The following ITPK1 variants were observed in gnomAD, a reference collection of about 807,000 sequenced individuals.
ITPK1 encodes the protein inositol 1,3,4-trisphosphate 5/6-kinase.
ITPK1 carries 21 observed loss-of-function variants against 45.3 expected under a neutral mutation model. The observed-to-expected ratio is 0.46, with a 90% CI of 0.33 to 0.67. ITPK1 has a LOEUF of 0.67. ITPK1 is among the 30% of genes least tolerant of loss of function. The pLI is 0.02. For missense variants in ITPK1, 474 were observed against 573.5 expected, an observed-to-expected ratio of 0.83 and a Z score of 1.77; for synonymous variants, 258 against 253.6, an observed-to-expected ratio of 1.02 and a Z score of -0.16.
intron 7 of ITPK1, among the ~76,000 whole-genome samples, chr14:92,961,020 C>T (rs1885044018): frequency 6.6e-6 from 1 of 152,274 alleles, no homozygotes; most frequent in South Asian, 2.1e-4. Flanking sequence ...GCTGATACTT[C>T]CCCGGAAGTG....
chr14:93,025,943 C>T (rs116115434), intron 3 of ITPK1, among the ~76,000 whole-genome samples: 2,685 of 152,232 alleles, frequency 0.018, 71 homozygotes, highest in African/African-American at 0.062. Context: ...GGCTGGATGA[C>T]AGAGTGAGAC....
rs1024339894 is a variant in ITPK1 at position 93,063,424 on chromosome 14, G to A, written c.120+13171C>T. On this transcript the variant is annotated intron_variant, in intron 3 of 10. Transcript: ENST00000267615. The surrounding 1 kb of genome is among the most constrained non-coding windows in gnomAD (Gnocchi z 4.3). ...ATCTCAGGAGCCAGAAAACCAGTGA[G>A]CTTCCCACTCCCCACAGCCCCACAC... Among the ~76,000 whole-genome samples the A allele has an allele frequency of 1.3e-5, 2 of 152,142 alleles. No homozygotes were observed. The highest frequency in any genetic ancestry group is 6.5e-5 in the Admixed American group (1 of 15,274).
chr14:92,983,934 C>A (rs1277602544), intron 5 of ITPK1, among the ~76,000 whole-genome samples: 1 of 152,154 alleles, frequency 6.6e-6, no homozygotes, highest in African/African-American at 2.4e-5. Flanking sequence ...CAGACCTGAT[C>A]CCCCTCATCT....
intron 7 of ITPK1, among the ~76,000 whole-genome samples, chr14:92,960,549 C>T (rs1885015173): frequency 6.6e-6 from 1 of 152,238 alleles, no homozygotes; most frequent in Non-Finnish European, 1.5e-5. Context: ...GAATCAGTCC[C>T]AGGTCTCTGG....
Position 92,937,757 on chromosome 14 carries a change from G to C in ITPK1, c.*3804C>G, listed in dbSNP as rs1887188385. On this transcript the variant is annotated 3_prime_UTR_variant, in exon 11 of 11. Transcript: ENST00000267615. ...TGACTGTGGCATCGGGGTGTGGCCA[G>C]GCTGGCCTGAGGCAGCAGAGGCTGG... 6.6e-6 allele frequency: 1 copy of C among 152,652 alleles called. No homozygotes were observed. Among genetic ancestry groups the C allele is most frequent in the Non-Finnish European group, 1.5e-5 (1 of 68,360 alleles). 9.5% of individuals were successfully genotyped at this position (152,652 alleles called of 1,614,324 possible).
At chr14:92,967,284 G>C (rs568101735) in intron 5 of ITPK1, among the ~76,000 whole-genome samples, 16 of 152,296 alleles carry the variant, frequency 1.1e-4, no homozygotes, top group African/African-American at 3.4e-4. Context: ...TGAATAGAAA[G>C]TTCTCAAAAC....
intron 3 of ITPK1, among the ~76,000 whole-genome samples, chr14:93,055,328 G>A (rs1890177651): frequency 6.6e-6 from 1 of 152,116 alleles, no homozygotes; most frequent in Admixed American, 6.6e-5. Context: ...TACATGCCAT[G>A]GAGGATTTGC....
In ITPK1 at chr14:93,057,559, C is replaced by T. The variant is rs76085912; in HGVS notation, c.120+19036G>A. Among the ~76,000 whole-genome samples, 1,082 of 152,320 alleles carry T rather than the reference C, an allele frequency of 7.1e-3. 17 individuals are homozygous for T. The highest frequency in any genetic ancestry group is 0.025 in the African/African-American group (1,025 of 41,562). ...AAGAAAGGAAACAGACGTGCGAGTA[C>T]ACCTGGGAGATTTTCTAGCCCCGTT... On this transcript the variant is annotated intron_variant, in intron 3 of 10. Coordinates refer to ENST00000267615, the MANE Select transcript of ITPK1 (RefSeq NM_014216.6).
intron 5 of ITPK1, among the ~76,000 whole-genome samples, chr14:92,988,159 G>A (rs979713436): frequency 6.6e-6 from 1 of 152,222 alleles, no homozygotes; most frequent in Non-Finnish European, 1.5e-5. Context: ...TCCCCTGAGA[G>A]ACCCTACCTC....
chr14:93,010,768 C>T (rs918882744), intron 4 of ITPK1, among the ~76,000 whole-genome samples: 8 of 152,230 alleles, frequency 5.3e-5, no homozygotes, highest in Non-Finnish European at 1.2e-4. Flanking sequence ...GTTCACTAGG[C>T]GCCGGGCCTG....
At chr14:92,965,774 C>T (rs1885315679) in intron 5 of ITPK1, among the ~76,000 whole-genome samples, 1 of 152,180 alleles carries the variant, frequency 6.6e-6, no homozygotes, top group Non-Finnish European at 1.5e-5. Flanking sequence ...GAGGCCAAAG[C>T]AGGCGGATCA....
At chr14:93,035,033 C>T (rs1889258895) in intron 3 of ITPK1, among the ~76,000 whole-genome samples, 1 of 152,256 alleles carries the variant, frequency 6.6e-6, no homozygotes, top group South Asian at 2.1e-4. Context: ...GGTCCTGCCT[C>T]TTCTCCGCTA....
chr14:93,066,650 C>T (rs370611754), intron 3 of ITPK1, among the ~76,000 whole-genome samples: 8 of 152,162 alleles, frequency 5.3e-5, no homozygotes, highest in East Asian at 3.9e-4. Context: ...ATGATCCACC[C>T]GCCTCGGCCT....
At chr14:93,073,711 G>A (rs553699456) in intron 3 of ITPK1, among the ~76,000 whole-genome samples, 13 of 152,180 alleles carry the variant, frequency 8.5e-5, no homozygotes, top group South Asian at 2.1e-4. Context: ...AGAGGAGACC[G>A]TTCAGCAGAA....
intron 3 of ITPK1, among the ~76,000 whole-genome samples, chr14:93,043,395 A>G (rs1889644979): frequency 6.6e-6 from 1 of 152,266 alleles, no homozygotes; most frequent in South Asian, 2.1e-4. Context: ...AGACTGCAAA[A>G]GCCCAGTGCT....
At chr14:93,029,591 G>GCAGCTGTGCTTTTAGC (rs1403649038) in intron 3 of ITPK1, among the ~76,000 whole-genome samples, 1 of 152,162 alleles carries the variant, frequency 6.6e-6, no homozygotes. Flanking sequence ...GAGGCTCCAG[G>GCAGCTGTGCTTTTAGC]CAGCTGTGCT....
At chr14:93,085,043 C>T (rs1473190101) in intron 2 of ITPK1, among the ~76,000 whole-genome samples, 7 of 152,246 alleles carry the variant, frequency 4.6e-5, no homozygotes, top group South Asian at 4.1e-4. Flanking sequence ...AAACACTCCC[C>T]GAGTGCTGCC....
intron 3 of ITPK1, chr14:93,070,366 T>G (rs993231965): frequency 1.3e-5 from 2 of 152,154 alleles, no homozygotes; most frequent in Non-Finnish European, 2.9e-5. Flanking sequence ...TGGATCGGAG[T>G]GGAAGGTGCC....
chr14:93,108,121 C>T (rs189473905), intron 2 of ITPK1, among the ~76,000 whole-genome samples: 1 of 152,176 alleles, frequency 6.6e-6, no homozygotes, highest in African/African-American at 2.4e-5. Context: ...CACACACACC[C>T]GGGCCGGCTC....
Sources: allele counts gnomAD v4.1 joint callset (sites outside exome capture counted in the v4.1 genomes callset), GRCh38; gene constraint gnomAD v4.1.1; non-coding constraint Gnocchi (gnomAD v3.1); transcripts MANE v1.5; gene names NCBI Gene and HGNC (gene_info 2026-07-23, HGNC 2026-07-21).